ANKRD13C: variants seen among roughly 807,000 people sequenced by gnomAD.
The protein encoded by ANKRD13C is ankyrin repeat domain 13C, also known as ankyrin repeat domain-containing protein 13C.
ANKRD13C carries 16 observed loss-of-function variants against 65.5 expected under a neutral mutation model. That is an observed-to-expected ratio of 0.24 (90% CI 0.17 to 0.37). The LOEUF is 0.37. ANKRD13C is among the 10% of genes least tolerant of loss of function. The pLI is 1.00. For synonymous variants in ANKRD13C, 235 were observed against 238.7 expected, an observed-to-expected ratio of 0.98 and a Z score of 0.14; for missense variants, 503 against 655.9, an observed-to-expected ratio of 0.77 and a Z score of 2.55.
chr1:70,299,342 G>A (rs1680225958), intron 7 of ANKRD13C, among the ~76,000 whole-genome samples: 1 of 152,196 alleles, frequency 6.6e-6, no homozygotes, highest in South Asian at 2.1e-4. Context: ...CCGTGCTAAG[G>A]AGATTAGATT....
chr1:70,331,158 AC>A (rs1404135539), intron 2 of ANKRD13C, among the ~76,000 whole-genome samples: 2 of 152,260 alleles, frequency 1.3e-5, no homozygotes, highest in African/African-American at 4.8e-5. Flanking sequence ...CAGAAACAGA[AC>A]GTGCCCTTCA....
chr1:70,284,032 A>C (rs1420287194), intron 9 of ANKRD13C, among the ~76,000 whole-genome samples: 1 of 152,178 alleles, frequency 6.6e-6, no homozygotes, highest in Non-Finnish European at 1.5e-5. Flanking sequence ...GCTATCAAAA[A>C]TTCTGTCAAA....
intron 1 of ANKRD13C, among the ~76,000 whole-genome samples, chr1:70,339,839 A>G (rs867333202): frequency 7.0e-6 from 1 of 143,038 alleles, no homozygotes. Context: ...TATTATTATT[A>G]TTATTATTAT....
At chr1:70,347,583 C>T (rs1682585163) in intron 1 of ANKRD13C, among the ~76,000 whole-genome samples, 1 of 152,108 alleles carries the variant, frequency 6.6e-6, no homozygotes, top group Non-Finnish European at 1.5e-5. Flanking sequence ...GAAGAGGATC[C>T]TCCCTCCCTT....
At chr1:70,279,271 C>T (rs577401464) in intron 9 of ANKRD13C, among the ~76,000 whole-genome samples, 1 of 152,012 alleles carries the variant, frequency 6.6e-6, no homozygotes, top group Admixed American at 6.6e-5. Flanking sequence ...TTTTCTCTAC[C>T]CTCCGTTTTC....
intron 9 of ANKRD13C, among the ~76,000 whole-genome samples, chr1:70,289,877 A>G (rs573686262): frequency 1.5e-4 from 23 of 152,340 alleles, no homozygotes; most frequent in South Asian, 1.2e-3. Context: ...ATATAAGTCC[A>G]AAGAGATGGC....
At chr1:70,280,997 G>A (rs1312956215) in intron 9 of ANKRD13C, among the ~76,000 whole-genome samples, 1 of 152,090 alleles carries the variant, frequency 6.6e-6, no homozygotes, top group Admixed American at 6.6e-5. Context: ...AGAAGTCTAA[G>A]AAGAAATTTC....
chr1:70,266,817 C>T (rs373988375), intron 12 of ANKRD13C, among the ~76,000 whole-genome samples: 7 of 152,156 alleles, frequency 4.6e-5, no homozygotes, highest in East Asian at 3.9e-4. Context: ...GTATGATTTT[C>T]GGTTCTTTTA....
chr1:70,350,499 A>T (rs543126501), intron 1 of ANKRD13C, among the ~76,000 whole-genome samples: 1 of 152,348 alleles, frequency 6.6e-6, no homozygotes, highest in African/African-American at 2.4e-5. Context: ...AAAGTAGCCC[A>T]TTTATTTGGG....
At chr1:70,278,596 G>A (rs542716890) in intron 9 of ANKRD13C, among the ~76,000 whole-genome samples, 3 of 151,912 alleles carry the variant, frequency 2.0e-5, no homozygotes, top group Non-Finnish European at 4.4e-5. Flanking sequence ...AACCTAACAG[G>A]ACTATGGAGC....
At chr1:70,291,055 G>A (rs562660034) in intron 9 of ANKRD13C, among the ~76,000 whole-genome samples, 10 of 150,140 alleles carry the variant, frequency 6.7e-5, no homozygotes, top group Middle Eastern at 3.4e-3. Context: ...TTTTTGAGAC[G>A]GAGTTTCGCT....
At position 70,259,996 on chromosome 1, in the gene ANKRD13C, T is replaced by C. The variant is rs1678335960; in HGVS notation, c.*2721A>G. On this transcript the variant is annotated 3_prime_UTR_variant, in exon 13 of 13. Transcript: ENST00000370944. Reference sequence around the variant, plus strand: ...TAGGGAAAACTAGGAAGAGGGCTCATTAAATAATCATTATTCATCACCCTC... The same window carrying C: ...TAGGGAAAACTAGGAAGAGGGCTCACTAAATAATCATTATTCATCACCCTC... Among the ~76,000 whole-genome samples, 1 of 152,148 alleles carries C rather than the reference T, an allele frequency of 6.6e-6. No individual in the cohort carries two copies. Among genetic ancestry groups the C allele is most frequent in the African/African-American group, 2.4e-5 (1 of 41,432 alleles).
chr1:70,271,472 G>C (rs995558655), intron 11 of ANKRD13C, among the ~76,000 whole-genome samples: 16 of 151,960 alleles, frequency 1.1e-4, no homozygotes, highest in African/African-American at 3.6e-4. Flanking sequence ...TCTTTTTTAA[G>C]TAGTAGCATT....
chr1:70,274,496 A>G (rs1484234681), intron 11 of ANKRD13C, among the ~76,000 whole-genome samples: 2 of 145,196 alleles, frequency 1.4e-5, no homozygotes, highest in Non-Finnish European at 3.0e-5. Context: ...AAAAAAAAAA[A>G]GAAAGAAAGA....
At position 70,261,135 on chromosome 1, in the gene ANKRD13C, C is replaced by T. The variant is rs533985531; in HGVS notation, c.*1582G>A. On this transcript the variant is annotated 3_prime_UTR_variant, in exon 13 of 13. Coordinates refer to ENST00000370944, the MANE Select transcript of ANKRD13C (RefSeq NM_030816.5). ...CCCAAAATTCAATAGGTCCATGTAA[C>T]GTAGTAATTAGGTCTTTCAATTTTT... The T allele has an allele frequency of 3.3e-5, 5 of 152,104 alleles. No individual in the cohort carries two copies. Among genetic ancestry groups the T allele is most frequent in the East Asian group, 3.9e-4 (2 of 5,186 alleles). 9.4% of individuals were successfully genotyped at this position (152,104 alleles called of 1,614,324 possible). A position where few individuals can be genotyped will look rare whatever the true frequency, so the allele number is the denominator to read the frequency against.
At chr1:70,296,794 G>C (rs1680098788) in intron 7 of ANKRD13C, among the ~76,000 whole-genome samples, 1 of 152,164 alleles carries the variant, frequency 6.6e-6, no homozygotes, top group Admixed American at 6.5e-5. Flanking sequence ...AAGCAGCAGA[G>C]AGGGAAGGAA....
Position 70,262,765 on chromosome 1 carries a change from A to G in ANKRD13C, c.1578T>C (p.Thr526=), listed in dbSNP as rs1178851827. The G allele has an allele frequency of 6.2e-7, 1 of 1,613,728 alleles. No individual in the cohort carries two copies. The highest frequency in any genetic ancestry group is 2.2e-5 in the East Asian group (1 of 44,820). ...GGTCTTCCTTGTAGTCATCAGGTAT[A>G]GTAAAGATGGAGCCATCAAATTCAT... The part of the protein sequence containing the change: ...RYDEFDGSIF[T]IPDDYKEDPS... Residue 526 remains threonine (T), a synonymous_variant, in exon 13 of 13, where the codon ACT becomes ACC. Transcript: ENST00000370944.
intron 1 of ANKRD13C, among the ~76,000 whole-genome samples, chr1:70,344,295 CAAAAAA>C (rs1169730172): frequency 4.7e-5 from 4 of 85,654 alleles, no homozygotes; most frequent in African/African-American, 1.3e-4. Flanking sequence ...GATTCCATCT[CAAAAAA>C]AAAAAAAAAA....
At chr1:70,286,575 G>A (rs1679631281) in intron 9 of ANKRD13C, among the ~76,000 whole-genome samples, 1 of 152,056 alleles carries the variant, frequency 6.6e-6, no homozygotes, top group Admixed American at 6.5e-5. Flanking sequence ...TTACTTCCCA[G>A]TACAGTGAGG....
Sources: gnomAD v4.1 joint callset for allele counts (sites outside exome capture counted in the v4.1 genomes callset) on GRCh38, gnomAD v4.1.1 for gene constraint, MANE v1.5 for transcripts, NCBI Gene and HGNC (gene_info 2026-07-23, HGNC 2026-07-21) for gene names.